Variants in NPHS2 observed in about 807,000 individuals in gnomAD.
NPHS2 encodes podocin.
Under a neutral mutation model 37.1 loss-of-function variants are expected in NPHS2, and 36 were observed. The ratio of observed to expected loss-of-function variants is 0.97; its 90% CI spans 0.74 to 1.28. The LOEUF is 1.28. Ranked by LOEUF, NPHS2 falls within the 50% of genes most tolerant of loss-of-function variation. The probability of loss-of-function intolerance (pLI) is 0.00; values close to 1 mark genes in which losing one functional copy is unlikely to be tolerated. For missense variants in NPHS2, 447 were observed against 488.1 expected, an observed-to-expected ratio of 0.92 and a Z score of 0.79; for synonymous variants, 196 against 189.3, an observed-to-expected ratio of 1.04 and a Z score of -0.29.
chr1:179,572,190 G>A (rs1237834526), intron 1 of NPHS2, among the ~76,000 whole-genome samples: 1 of 152,106 alleles, frequency 6.6e-6, no homozygotes, highest in Non-Finnish European at 1.5e-5. Flanking sequence ...TTCCTATTTG[G>A]CCATCTTCTG....
At chr1:179,562,485 A>C (rs564435373) in intron 2 of NPHS2, among the ~76,000 whole-genome samples, 1 of 152,190 alleles carries the variant, frequency 6.6e-6, no homozygotes, top group African/African-American at 2.4e-5. Context: ...ATGATTTGTG[A>C]CTATAGACAA....
At chr1:179,552,518 T>C (rs1673436603) in intron 7 of NPHS2, 85 bp downstream of exon 7, 2 of 1,047,698 alleles carry the variant, frequency 1.9e-6, no homozygotes, top group African/African-American at 3.1e-5. Flanking sequence ...GCCTAATGAA[T>C]GGACAGTAAG....
chr1:179,569,082 C>G (rs547699609), intron 1 of NPHS2, among the ~76,000 whole-genome samples: 1 of 152,128 alleles, frequency 6.6e-6, no homozygotes, highest in Non-Finnish European at 1.5e-5. Context: ...TGTTGCAGAG[C>G]TGAGTTCTGG....
At chr1:179,563,734 A>C (rs1674234355) in intron 2 of NPHS2, among the ~76,000 whole-genome samples, 1 of 152,240 alleles carries the variant, frequency 6.6e-6, no homozygotes, top group Admixed American at 6.5e-5. Context: ...AGAAGAAATC[A>C]CAAGGAAAAT....
chr1:179,565,100 G>A (rs1235981597), intron 1 of NPHS2, among the ~76,000 whole-genome samples: 1 of 151,812 alleles, frequency 6.6e-6, no homozygotes, highest in Admixed American at 6.6e-5. Context: ...GTGAGATCCT[G>A]TCTGTACAAA....
At chr1:179,552,483 G>T in intron 7 of NPHS2, 120 bp downstream of exon 7, 1 of 772,154 alleles carries the variant, frequency 1.3e-6, no homozygotes, top group Non-Finnish European at 2.3e-6. Context: ...AGAGTTGTAA[G>T]GGCCCAAGAC....
intron 1 of NPHS2, among the ~76,000 whole-genome samples, chr1:179,574,319 G>GGCATGTTACT (rs1159969914): frequency 1.3e-5 from 2 of 152,136 alleles, no homozygotes; most frequent in Admixed American, 6.5e-5. Context: ...ACACGACTTG[G>GGCATGTTACT]GCATGTTACT....
In NPHS2 at chr1:179,575,666, C is replaced by G. The variant is rs1363776277; in HGVS notation, c.199G>C (p.Val67Leu). 1.2e-6 allele frequency: 2 copies of G among 1,602,866 alleles called. No individual in the cohort carries two copies. Among genetic ancestry groups the G allele is most frequent in the East Asian group, 4.5e-5 (2 of 44,820 alleles). Residue 67 changes from valine (V) to leucine (L), a missense_variant, in exon 1 of 8, where the codon GTG becomes CTG. By Grantham distance (32) the Val-to-Leu change is conservative (BLOSUM62 1). Transcript: ENST00000367615. ...PRAPAATVVDVDEVRGSGEEG... is the reference protein window; with the variant it reads ...PRAPAATVVDLDEVRGSGEEG... Reference sequence around the variant, plus strand: ...TCGCCGGAGCCTCGGACCTCATCCACGTCCACCACCGTGGCGGCGGGCGCT... The same window carrying G: ...TCGCCGGAGCCTCGGACCTCATCCAGGTCCACCACCGTGGCGGCGGGCGCT...
chr1:179,564,319 T>C (rs1044734520), intron 2 of NPHS2, among the ~76,000 whole-genome samples: 3 of 152,220 alleles, frequency 2.0e-5, no homozygotes, highest in African/African-American at 4.8e-5. Flanking sequence ...TCATGACTCA[T>C]GGTCTATAGA....
intron 7 of NPHS2, 121 bp from the exon 8 acceptor site, chr1:179,551,572 A>C: frequency 2.7e-6 from 3 of 1,125,792 alleles, no homozygotes; most frequent in Non-Finnish European, 3.9e-6. Context: ...ACGGTTAAGC[A>C]TAGAACATGT....
intron 4 of NPHS2, among the ~76,000 whole-genome samples, chr1:179,557,453 A>T (rs959109949): frequency 2.6e-5 from 4 of 152,204 alleles, no homozygotes; most frequent in African/African-American, 4.8e-5. Flanking sequence ...TTTGTAAAAA[A>T]AATCAGAAAT....
At position 179,551,140 on chromosome 1, in the gene NPHS2, G is replaced by GGCC; in HGVS notation, c.*32_*33insGGC. On this transcript the variant is annotated 3_prime_UTR_variant, in exon 8 of 8. Coordinates refer to ENST00000367615, the MANE Select transcript of NPHS2 (RefSeq NM_014625.4). The stretch of plus-strand genomic sequence containing the variant: ...CAGGCATGTGACTTTTCTATGGCAG[G>GGCC]CCCCTTTACAGTCACATTATGCCCC... 1 of 1,612,808 alleles carries GGCC rather than the reference G, an allele frequency of 6.2e-7. No homozygotes were observed.
At chr1:179,569,113 T>C (rs1003748753) in intron 1 of NPHS2, among the ~76,000 whole-genome samples, 2 of 152,204 alleles carry the variant, frequency 1.3e-5, no homozygotes, top group African/African-American at 2.4e-5. Context: ...CCTTGTTAAC[T>C]TTCTGTGTCA....
chr1:179,573,503 C>T (rs558342835), intron 1 of NPHS2, among the ~76,000 whole-genome samples: 1 of 152,126 alleles, frequency 6.6e-6, no homozygotes, highest in African/African-American at 2.4e-5. Flanking sequence ...CACATTTGAC[C>T]AGGTAATATT....
intron 6 of NPHS2, 55 bp downstream of exon 6, chr1:179,554,421 A>C: frequency 6.2e-7 from 1 of 1,608,058 alleles, no homozygotes; most frequent in Non-Finnish European, 8.5e-7. Context: ...ATTTAAAATG[A>C]AACCAGAATA....
At chr1:179,565,925 T>C (rs942651331) in intron 1 of NPHS2, among the ~76,000 whole-genome samples, 3 of 152,246 alleles carry the variant, frequency 2.0e-5, no homozygotes, top group African/African-American at 7.2e-5. Context: ...GGCTGCATAG[T>C]ATTCCATGGT....
chr1:179,551,570 G>T, intron 7 of NPHS2, 119 bp from the exon 8 acceptor site: 1 of 1,130,886 alleles, frequency 8.8e-7, no homozygotes, highest in Non-Finnish European at 1.3e-6. Flanking sequence ...GCACGGTTAA[G>T]CATAGAACAT....
At chr1:179,568,631 A>G (rs1433330925) in intron 1 of NPHS2, among the ~76,000 whole-genome samples, 3 of 151,788 alleles carry the variant, frequency 2.0e-5, no homozygotes, top group African/African-American at 7.3e-5. Context: ...TAGTTCTTTT[A>G]ATTGTGATGT....
intron 1 of NPHS2, among the ~76,000 whole-genome samples, chr1:179,571,855 G>A (rs181185358): frequency 1.9e-3 from 291 of 152,280 alleles, no homozygotes; most frequent in African/African-American, 6.7e-3. Context: ...AAGGCTCCTT[G>A]GGCATGGGAC....
Sources: allele counts gnomAD v4.1 joint callset (sites outside exome capture counted in the v4.1 genomes callset), GRCh38; gene constraint gnomAD v4.1.1; transcripts MANE v1.5; gene names NCBI Gene and HGNC (gene_info 2026-07-23, HGNC 2026-07-21).